Variants in ATRN observed in about 807,000 individuals in gnomAD.
ATRN encodes attractin-2.
A neutral mutation model predicts 178.7 loss-of-function variants in ATRN; 54 were observed. The ratio of observed to expected loss-of-function variants is 0.30; its 90% CI spans 0.24 to 0.38. ATRN has a LOEUF of 0.38. ATRN is among the 10% of genes least tolerant of loss of function. The probability of loss-of-function intolerance (pLI) is 1.00; values close to 1 mark genes in which losing one functional copy is unlikely to be tolerated. For synonymous variants in ATRN, 636 were observed against 663.0 expected (o/e 0.96, Z 0.63); for missense variants, 1,443 against 1,815.1 (o/e 0.79, Z 3.73).
intron 1 of ATRN, among the ~76,000 whole-genome samples, chr20:3,475,548 C>T (rs1479729711): frequency 2.0e-5 from 3 of 152,142 alleles, no homozygotes; most frequent in Non-Finnish European, 2.9e-5. Context: ...TAAGGCAGTA[C>T]CACTTTCGTT....
intron 1 of ATRN, among the ~76,000 whole-genome samples, chr20:3,527,853 G>A (rs578249691): frequency 1.3e-5 from 2 of 151,514 alleles, no homozygotes; most frequent in South Asian, 2.1e-4. Flanking sequence ...TCACTCATAA[G>A]TGGGAGTTGA....
chr20:3,551,266 A>G (rs2085782674), intron 6 of ATRN, among the ~76,000 whole-genome samples: 1 of 152,176 alleles, frequency 6.6e-6, no homozygotes, highest in Non-Finnish European at 1.5e-5. Context: ...TTGTATCCCA[A>G]GAAACCCCTC....
intron 6 of ATRN, among the ~76,000 whole-genome samples, chr20:3,556,681 CA>C (rs1280025680): frequency 3.9e-5 from 6 of 152,188 alleles, no homozygotes; most frequent in Admixed American, 1.3e-4. Flanking sequence ...ATCTTGGATT[CA>C]GCTCCCAGAA....
intron 11 of ATRN, among the ~76,000 whole-genome samples, chr20:3,569,945 C>T (rs1054244533): frequency 6.6e-6 from 1 of 151,918 alleles, no homozygotes; most frequent in African/African-American, 2.4e-5. Flanking sequence ...GTGGTGCGTG[C>T]CTGTTGTCCC....
chr20:3,547,881 CTAATAGT>C (rs1016751643), intron 5 of ATRN, among the ~76,000 whole-genome samples: 81 of 63,494 alleles, frequency 1.3e-3, no homozygotes, highest in African/African-American at 3.7e-3. Flanking sequence ...AAGGAGTTAG[CTAATAGT>C]TATCTACAGA....
intron 24 of ATRN, among the ~76,000 whole-genome samples, chr20:3,623,712 T>C (rs1020359387): frequency 6.6e-6 from 1 of 152,200 alleles, no homozygotes; most frequent in African/African-American, 2.4e-5. Flanking sequence ...AACATCTGGC[T>C]AGTAGCACGT....
Position 3,471,065 on chromosome 20 carries a change from G to T in ATRN, c.-43G>T. 3 of 1,483,854 alleles carry T rather than the reference G, an allele frequency of 2.0e-6. No homozygotes were observed. The highest frequency in any genetic ancestry group is 2.2e-5 in the Admixed American group (1 of 44,512). The allele number at this position is 1,483,854 out of a possible 1,614,324, so 91.9% of individuals were successfully genotyped here. On this transcript the variant is annotated 5_prime_UTR_variant, in exon 1 of 29. Transcript: ENST00000262919. Reference sequence around the variant, plus strand: ...GGCGAAGCGGAGCCGGCCGTGCGGTGTGTGTGTATGTGTTCGCGGGGCGCC... The same window carrying T: ...GGCGAAGCGGAGCCGGCCGTGCGGTTTGTGTGTATGTGTTCGCGGGGCGCC...
At chr20:3,615,807 A>G (rs1485899339) in intron 24 of ATRN, 1 of 454,078 alleles carries the variant, frequency 2.2e-6, no homozygotes, top group Non-Finnish European at 4.4e-6. Flanking sequence ...AAAACTGAAC[A>G]CCGCTTGTTC....
chr20:3,612,672 T>C (rs2086782747), intron 24 of ATRN, among the ~76,000 whole-genome samples: 1 of 152,228 alleles, frequency 6.6e-6, no homozygotes, highest in African/African-American at 2.4e-5. Context: ...ATTTGTTAGG[T>C]TATTTTCATG....
chr20:3,578,133 C>T (rs1313874911), intron 14 of ATRN, among the ~76,000 whole-genome samples: 3 of 152,178 alleles, frequency 2.0e-5, no homozygotes, highest in Non-Finnish European at 2.9e-5. Context: ...TACCTTCCAC[C>T]TGATGATATG....
intron 6 of ATRN, among the ~76,000 whole-genome samples, chr20:3,552,832 TC>T (rs1281234072): frequency 2.0e-5 from 3 of 152,210 alleles, no homozygotes; most frequent in African/African-American, 7.2e-5. Context: ...TTACCTCAGT[TC>T]CTAGAGGCCA....
intron 1 of ATRN, among the ~76,000 whole-genome samples, chr20:3,483,963 A>G (rs760080363): frequency 1.3e-5 from 2 of 152,178 alleles, no homozygotes; most frequent in African/African-American, 2.4e-5. Flanking sequence ...TAAAAAATAC[A>G]TGAGGCCGGG....
chr20:3,634,443 C>A, intron 26 of ATRN, 54 bp downstream of exon 26: 1 of 1,529,310 alleles, frequency 6.5e-7, no homozygotes. Flanking sequence ...TTTTTTCCTT[C>A]TTTTTCTCTT....
Position 3,495,659 on chromosome 20 carries a change from G to A in ATRN, c.410+24142G>A, listed in dbSNP as rs1600030049. On this transcript the variant is annotated intron_variant, in intron 1 of 28. Coordinates refer to ENST00000262919, the MANE Select transcript of ATRN (RefSeq NM_139321.3). ...TCAGTCTGGGCTTGTATCATTAGAG[G>A]GCTGGTTAAATAAAATATGACTTGT... Among the ~76,000 whole-genome samples the A allele has an allele frequency of 2.0e-5, 3 of 151,884 alleles. No individual in the cohort carries two copies. In the East Asian group the frequency reaches 5.8e-4, roughly 29 times the overall value.
chr20:3,626,783 T>TTC (rs200711340), intron 25 of ATRN, among the ~76,000 whole-genome samples: 9,940 of 93,626 alleles, frequency 0.11, 450 homozygotes, highest in Non-Finnish European at 0.16. Flanking sequence ...AATTATTTCT[T>TTC]TTTTTTTTTT....
At chr20:3,556,472 C>T (rs537915901) in intron 6 of ATRN, among the ~76,000 whole-genome samples, 1 of 152,282 alleles carries the variant, frequency 6.6e-6, no homozygotes, top group East Asian at 1.9e-4. Context: ...CTTTAGGTGG[C>T]CCGATTGGGT....
At chr20:3,579,734 A>G (rs2086258384) in intron 15 of ATRN, among the ~76,000 whole-genome samples, 2 of 152,186 alleles carry the variant, frequency 1.3e-5, no homozygotes, top group African/African-American at 4.8e-5. Context: ...TCATAGAACA[A>G]AGCTCTTTCA....
rs180866964 is a variant in ATRN, at chr20:3,557,539, A to G, written c.1113-1854A>G. Among the ~76,000 whole-genome samples the G allele has an allele frequency of 1.1e-4, 16 of 152,348 alleles. No individual in the cohort carries two copies. In the South Asian group the frequency reaches 2.1e-3, roughly 20 times the overall value. On this transcript the variant is annotated intron_variant, in intron 6 of 28. Coordinates refer to ENST00000262919, the MANE Select transcript of ATRN (RefSeq NM_139321.3). The stretch of plus-strand genomic sequence containing the variant: ...GAGTACTATGAGCTCTACTTAAACA[A>G]AACAAAACAAAAACCCTCTTGACAG...
chr20:3,537,306 C>T (rs2085549154), intron 2 of ATRN, among the ~76,000 whole-genome samples: 1 of 152,024 alleles, frequency 6.6e-6, no homozygotes, highest in Admixed American at 6.6e-5. Context: ...AAATGTCTGC[C>T]AGATATCCAA....
Sources: allele counts gnomAD v4.1 joint callset (sites outside exome capture counted in the v4.1 genomes callset), GRCh38; gene constraint gnomAD v4.1.1; transcripts MANE v1.5; gene names NCBI Gene and HGNC (gene_info 2026-07-23, HGNC 2026-07-21).